PLCH1: variants seen among roughly 807,000 people sequenced by gnomAD.
The protein encoded by PLCH1 is phospholipase C eta 1, also known as 1-phosphatidylinositol 4,5-bisphosphate phosphodiesterase eta-1.
Under a neutral mutation model 126.7 loss-of-function variants are expected in PLCH1, and 60 were observed. The observed-to-expected ratio is 0.47, with a 90% CI of 0.38 to 0.59. The LOEUF (loss-of-function observed/expected upper bound fraction) is 0.59. PLCH1 is among the 20% of genes least tolerant of loss of function. The pLI, the probability that PLCH1 is intolerant of heterozygous loss-of-function variation, is 0.00. For synonymous variants in PLCH1, 719 were observed against 734.9 expected (o/e 0.98, Z 0.35); for missense variants, 1,723 against 2,040.0 (o/e 0.84, Z 2.99).
chr3:155,684,118 T>C (rs1458819155), intron 2 of PLCH1, among the ~76,000 whole-genome samples: 3 of 152,150 alleles, frequency 2.0e-5, no homozygotes, highest in South Asian at 4.1e-4. Context: ...GCCAATCAAA[T>C]AGGGATTACA....
At chr3:155,674,437 A>G (rs1473676548) in intron 2 of PLCH1, among the ~76,000 whole-genome samples, 2 of 152,152 alleles carry the variant, frequency 1.3e-5, no homozygotes, top group Non-Finnish European at 2.9e-5. Flanking sequence ...GAATCTATCA[A>G]TTTCACACAC....
intron 2 of PLCH1, among the ~76,000 whole-genome samples, chr3:155,700,021 T>C (rs1266570364): frequency 1.3e-5 from 2 of 152,218 alleles, no homozygotes; most frequent in Non-Finnish European, 2.9e-5. Context: ...CCTATCTTGA[T>C]GTTTGACTAC....
chr3:155,729,657 C>T (rs1462997285), intron 1 of PLCH1, among the ~76,000 whole-genome samples: 1 of 152,172 alleles, frequency 6.6e-6, no homozygotes, highest in East Asian at 1.9e-4. Flanking sequence ...GGCACAGTGG[C>T]TCACGCCTGT....
At chr3:155,564,827 A>G in intron 8 of PLCH1, 88 bp downstream of exon 8, 1 of 778,058 alleles carries the variant, frequency 1.3e-6, no homozygotes, top group Non-Finnish European at 2.3e-6. Context: ...AGTGTGTTTT[A>G]GGTCTCCATT....
chr3:155,596,153 T>C, intron 3 of PLCH1, 79 bp downstream of exon 3: 2 of 1,029,346 alleles, frequency 1.9e-6, no homozygotes, highest in Admixed American at 4.4e-5. Context: ...TCCACAGATC[T>C]GAAGCTTCAA....
intron 10 of PLCH1, among the ~76,000 whole-genome samples, chr3:155,537,186 CAAAA>C (rs755520092): frequency 2.7e-5 from 1 of 37,254 alleles, no homozygotes; most frequent in Non-Finnish European, 5.8e-5. Context: ...GCTAGCACTA[CAAAA>C]AAAAAAAAAA....
At chr3:155,530,133 T>G (rs915481674) in intron 10 of PLCH1, among the ~76,000 whole-genome samples, 2 of 152,178 alleles carry the variant, frequency 1.3e-5, no homozygotes, top group Non-Finnish European at 2.9e-5. Flanking sequence ...CTGCAGCATG[T>G]GATGCTGTTT....
At chr3:155,646,123 C>A (rs189307891) in intron 2 of PLCH1, among the ~76,000 whole-genome samples, 2 of 152,112 alleles carry the variant, frequency 1.3e-5, no homozygotes, top group African/African-American at 4.8e-5. Flanking sequence ...GAGCTGTTTA[C>A]GATCTCTAGA....
At chr3:155,744,199 C>A (rs912651435) in intron 1 of PLCH1, among the ~76,000 whole-genome samples, 3 of 152,122 alleles carry the variant, frequency 2.0e-5, no homozygotes, top group East Asian at 3.9e-4. Flanking sequence ...GCAGCTCAGT[C>A]GCCAAGGAAA....
intron 21 of PLCH1, chr3:155,486,058 G>C: frequency 1.2e-6 from 1 of 808,186 alleles, no homozygotes; most frequent in African/African-American, 1.7e-5. Flanking sequence ...TGGTAAGCAG[G>C]AAGATGGAGT....
In PLCH1 at chr3:155,725,628, CG is replaced by C. The variant is rs372405503; in HGVS notation, c.-41+19211del. On this transcript the variant is annotated intron_variant, in intron 1 of 22. Coordinates refer to ENST00000460012, the MANE Select transcript of PLCH1 (RefSeq NM_014996.4). The stretch of plus-strand genomic sequence containing the variant: ...CTAATTTTTGTATTTTTAGTAGAGA[CG>C]GGGTTTCACCACGTTGGCCGGGCTG... Among the ~76,000 whole-genome samples the C allele has an allele frequency of 4.1e-3, 625 of 152,028 alleles. 2 individuals carry two copies. The highest frequency in any genetic ancestry group is 6.9e-3 in the South Asian group (33 of 4,810).
At chr3:155,723,962 A>T (rs1168405609) in intron 1 of PLCH1, among the ~76,000 whole-genome samples, 1 of 151,680 alleles carries the variant, frequency 6.6e-6, no homozygotes, top group African/African-American at 2.4e-5. Flanking sequence ...TCAAAAAAAA[A>T]AAAAAAAAAA....
At chr3:155,586,804 C>G (rs1731438763) in intron 4 of PLCH1, among the ~76,000 whole-genome samples, 1 of 152,102 alleles carries the variant, frequency 6.6e-6, no homozygotes, top group African/African-American at 2.4e-5. Flanking sequence ...TCAATCTTAT[C>G]CAAATTAAAT....
intron 1 of PLCH1, among the ~76,000 whole-genome samples, chr3:155,724,853 G>GTGTGTGTA (rs1468306943): frequency 6.9e-6 from 1 of 144,310 alleles, no homozygotes; most frequent in African/African-American, 2.6e-5. Context: ...GTGTGTGTGT[G>GTGTGTGTA]TAATTGTTAT....
intron 2 of PLCH1, among the ~76,000 whole-genome samples, chr3:155,685,195 A>G (rs776539477): frequency 1.3e-5 from 2 of 152,194 alleles, no homozygotes; most frequent in Non-Finnish European, 2.9e-5. Context: ...CCCAAAGGAT[A>G]ACAGAGGGAC....
chr3:155,485,104 A>G (rs1175829951), intron 22 of PLCH1, among the ~76,000 whole-genome samples: 2 of 152,182 alleles, frequency 1.3e-5, no homozygotes, highest in African/African-American at 4.8e-5. Context: ...CTGTGCCATC[A>G]CACCTAATGG....
intron 2 of PLCH1, among the ~76,000 whole-genome samples, chr3:155,629,694 T>C (rs1471630411): frequency 6.6e-6 from 1 of 152,130 alleles, no homozygotes; most frequent in Non-Finnish European, 1.5e-5. Flanking sequence ...TTTTAAATGG[T>C]CAAGTAGACG....
At chr3:155,651,732 C>A (rs956437321) in intron 2 of PLCH1, among the ~76,000 whole-genome samples, 1 of 152,190 alleles carries the variant, frequency 6.6e-6, no homozygotes, top group Non-Finnish European at 1.5e-5. Flanking sequence ...CTTACCACCA[C>A]CTGATCTCTC....
intron 12 of PLCH1, among the ~76,000 whole-genome samples, chr3:155,511,960 G>C (rs1432501521): frequency 6.6e-6 from 1 of 151,946 alleles, no homozygotes; most frequent in Non-Finnish European, 1.5e-5. Flanking sequence ...CCTCATTGCC[G>C]CCTTGCAGTT....
Sources: allele counts gnomAD v4.1 joint callset (sites outside exome capture counted in the v4.1 genomes callset), GRCh38; gene constraint gnomAD v4.1.1; transcripts MANE v1.5; gene names NCBI Gene and HGNC (gene_info 2026-07-23, HGNC 2026-07-21).